Variants in OPN1LW observed in about 807,000 individuals in gnomAD.
OPN1LW encodes the protein long-wave-sensitive opsin 1.
OPN1LW carries 4 observed loss-of-function variants against 18.1 expected under a neutral mutation model. The observed-to-expected ratio is 0.22, with a 90% CI of 0.11 to 0.51. The LOEUF is 0.51. OPN1LW is among the 20% of genes least tolerant of loss of function. OPN1LW has a pLI of 0.97. For synonymous variants in OPN1LW, 86 were observed against 101.2 expected, an observed-to-expected ratio of 0.85 and a Z score of 0.90; for missense variants, 164 against 234.9, an observed-to-expected ratio of 0.70 and a Z score of 1.97.
intron 1 of OPN1LW, among the ~76,000 whole-genome samples, chrX:154,148,818 T>C (rs1259015310): frequency 9.5e-6 from 1 of 105,508 alleles, no homozygotes. Context: ...GCATCTATTG[T>C]GTGCTGGACA....
Position 154,150,657 on chromosome X carries a change from C to A in OPN1LW, c.114C>A (p.Gly38=), listed in dbSNP as rs1264120599. Reference sequence around the variant, plus strand: ...CTCTCCTCTGCCTCCTGCCCTCAGGCCCCTTCGAAGGCCCGAATTACCACA... The same window carrying A: ...CTCTCCTCTGCCTCCTGCCCTCAGGACCCTTCGAAGGCCCGAATTACCACA... ...FTYTNSNSTR[G]PFEGPNYHIA... is the part of the protein sequence containing the mutation. The change falls in exon 2 of 6, where the codon GGC becomes GGA. Residue 38 remains glycine (G), a splice_region_variant and synonymous_variant. Transcript: ENST00000369951. The A allele has an allele frequency of 1.7e-6, 2 of 1,195,020 alleles. No individual in the cohort carries two copies. Among genetic ancestry groups the A allele is most frequent in the Non-Finnish European group, 2.2e-6 (2 of 888,937 alleles).
intron 1 of OPN1LW, among the ~76,000 whole-genome samples, chrX:154,148,186 T>C (rs1191033556): frequency 9.7e-6 from 1 of 103,263 alleles, no homozygotes; most frequent in Non-Finnish European, 1.9e-5. Flanking sequence ...GAGTTCCACG[T>C]TGCAGTGAGC....
At chrX:154,151,082 C>T in intron 2 of OPN1LW, 130 bp downstream of exon 2, 1 of 955,612 alleles carries the variant, frequency 1.0e-6, no homozygotes, top group Non-Finnish European at 1.5e-6. Context: ...CGCCTCACAT[C>T]CATATACTGA....
chrX:154,148,176 G>A (rs1415362353), intron 1 of OPN1LW, among the ~76,000 whole-genome samples: 4 of 103,213 alleles, frequency 3.9e-5, no homozygotes, highest in African/African-American at 1.7e-4. Flanking sequence ...TTGAGCCCAG[G>A]AGTTCCACGT....
rs149665617 is a variant in OPN1LW at position 154,150,711 on chromosome X, C to G, written c.168C>G (p.Thr56=). 5.8e-6 allele frequency: 7 copies of G among 1,197,548 alleles called. No homozygotes were observed. The highest frequency in any genetic ancestry group is 2.2e-5 in the Admixed American group (1 of 45,090). ...HIAPRWVYHL[T]SVWMIFVVTA... ...CTCCCAGATGGGTGTACCACCTCAC[C>G]AGTGTCTGGATGATCTTTGTGGTCA... The change falls in exon 2 of 6, where the codon ACC becomes ACG. Residue 56 remains threonine (T), a synonymous_variant. Transcript: ENST00000369951.
chrX:154,154,103 C>A (rs1200149233), intron 3 of OPN1LW, among the ~76,000 whole-genome samples: 1 of 95,727 alleles, frequency 1.0e-5, no homozygotes, highest in Non-Finnish European at 2.0e-5. Flanking sequence ...AGGAGCTGGG[C>A]CTACAGATGC....
At chrX:154,150,979 C>A (rs782088145) in intron 2 of OPN1LW, 27 bp downstream of exon 2, 2 of 1,176,303 alleles carry the variant, frequency 1.7e-6, no homozygotes, top group Non-Finnish European at 2.3e-6. Context: ...CCAGGCTCGG[C>A]GGAAACCACT....
chrX:154,156,426 G>T lies in OPN1LW; in HGVS notation c.877G>T (p.Ala293Ser). Residue 293 changes from alanine to serine, a missense_variant, in exon 5 of 6, where the codon GCC becomes TCC. Physicochemically the swap from Ala to Ser is moderately conservative, Grantham distance 99. Coordinates refer to ENST00000369951, the MANE Select transcript of OPN1LW (RefSeq NM_020061.6). Reference sequence around the variant, plus strand: ...CACCTTCTTCGCATGCTTTGCTGCTGCCAACCCTGGTTACGCCTTCCACCC... The same window carrying T: ...CACCTTCTTCGCATGCTTTGCTGCTTCCAACCCTGGTTACGCCTTCCACCC... ...PYTFFACFAA[A>S]NPGYAFHPLM... 1.7e-6 allele frequency: 2 copies of T among 1,205,083 alleles called. No homozygotes were observed. Among genetic ancestry groups the T allele is most frequent in the Non-Finnish European group, 2.2e-6 (2 of 890,551 alleles).
chrX:154,154,680 A>G lies in OPN1LW; in HGVS notation c.685A>G (p.Ile229Val). 2.5e-6 allele frequency: 3 copies of G among 1,194,352 alleles called. No individual in the cohort carries two copies. Among genetic ancestry groups the G allele is most frequent in the Non-Finnish European group, 2.3e-6 (2 of 883,799 alleles). Residue 229 changes from isoleucine to valine, a missense_variant, in exon 4 of 6, where the codon ATC (isoleucine) becomes GTC (valine). Physicochemically the swap from Ile to Val is conservative, Grantham distance 29. Transcript: ENST00000369951. ...GATTGTCCTCATGGTCACCTGCTGC[A>G]TCATCCCACTCGCTATCATCATGCT... ...YMIVLMVTCC[I>V]IPLAIIMLCY...
chrX:154,150,884 A>G lies in OPN1LW; in HGVS notation c.341A>G (p.Gln114Arg). ...GCCAGCACTATCAGCATTGTGAACCAGGTCTCTGGCTACTTCGTGCTGGGC... is the reference window on the plus strand; with the variant it reads ...GCCAGCACTATCAGCATTGTGAACCGGGTCTCTGGCTACTTCGTGCTGGGC... Reference protein sequence around the residue: ...VIASTISIVNQVSGYFVLGHP... With the variant: ...VIASTISIVNRVSGYFVLGHP... Residue 114 changes from glutamine to arginine, a missense_variant, in exon 2 of 6, where the codon CAG (glutamine) becomes CGG (arginine). Gln to Arg is a conservative substitution (Grantham distance 43). Transcript: ENST00000369951. 6 of 1,195,492 alleles carry G rather than the reference A, an allele frequency of 5.0e-6. No individual in the cohort carries two copies. Among genetic ancestry groups the G allele is most frequent in the Non-Finnish European group, 6.8e-6 (6 of 886,507 alleles).
rs376687141 is a variant in OPN1LW at position 154,144,314 on chromosome X, G to A, written c.31G>A (p.Ala11Thr). The part of the protein sequence containing the change: MAQQWSLQRL[A>T]GRHPQDSYED... ...CCAGCAGTGGAGCCTCCAAAGGCTC[G>A]CAGGCCGCCATCCGCAGGACAGCTA... Residue 11 changes from alanine (A) to threonine (T), a missense_variant, in exon 1 of 6, where the codon GCA (alanine) becomes ACA (threonine). Physicochemically the swap from Ala to Thr is moderately conservative, Grantham distance 58. Around this residue, in one of 3 missense-constraint regions of OPN1LW, gnomAD observed 106 missense variants for 167.7 expected, o/e 0.63. Coordinates refer to ENST00000369951, the MANE Select transcript of OPN1LW (RefSeq NM_020061.6). 147 of 1,195,209 alleles carry A rather than the reference G, an allele frequency of 1.2e-4. No individual in the cohort carries two copies. The highest frequency in any genetic ancestry group is 1.6e-4 in the Non-Finnish European group (138 of 888,839).
chrX:154,154,124 C>T (rs1341809786), intron 3 of OPN1LW, among the ~76,000 whole-genome samples: 1 of 96,022 alleles, frequency 1.0e-5, no homozygotes, highest in African/African-American at 4.8e-5. Flanking sequence ...ACCACTTCAC[C>T]TAGCTAATTT....
At position 154,148,073 on chromosome X, in the gene OPN1LW, T is replaced by TA. The variant is rs1159974891; in HGVS notation, c.113-2575dup. Among the ~76,000 whole-genome samples the TA allele has an allele frequency of 6.6e-5, 6 of 90,556 alleles. 1 individual carries two copies. The highest frequency in any genetic ancestry group is 3.4e-4 in the East Asian group (1 of 2,984). 78.6% of individuals were successfully genotyped at this position (90,556 alleles called of 115,157 possible). The stretch of plus-strand genomic sequence containing the variant: ...TAGCCAGACCCCATCTCTACAGAAA[T>TA]AAAAAAAATTGCCATTGTGGTAATG... On this transcript the variant is annotated intron_variant, in intron 1 of 5. Transcript: ENST00000369951.
At chrX:154,156,064 T>G (rs1333539324) in intron 4 of OPN1LW, among the ~76,000 whole-genome samples, 3 of 31,219 alleles carry the variant, frequency 9.6e-5, no homozygotes, top group Non-Finnish European at 1.2e-4. Context: ...GCTTGTTAGA[T>G]CCAGCTCTGG....
Position 154,144,412 on chromosome X carries a change from G to A in OPN1LW, c.112+17G>A, listed in dbSNP as rs782698416. On this transcript the variant is annotated intron_variant, in intron 1 of 5. Transcript: ENST00000369951. ...CCACCAGAGGTGAGCCAGCAGGCCC[G>A]TGGAGGCTGGGTGGCTGCACTGGGG... 8.9e-6 allele frequency: 10 copies of A among 1,121,958 alleles called. No individual in the cohort carries two copies. The highest frequency in any genetic ancestry group is 1.1e-5 in the Non-Finnish European group (9 of 836,546). The allele number at this position is 1,121,958 out of a possible 1,213,427, so 92.5% of individuals were successfully genotyped here. A position where few individuals can be genotyped will look rare whatever the true frequency, so the allele number is the denominator to read the frequency against.
rs782102273 is a variant in OPN1LW at position 154,150,859 on chromosome X, G to C, written c.316G>C (p.Ala106Pro). The C allele has an allele frequency of 1.7e-6, 2 of 1,197,422 alleles. No individual in the cohort carries two copies. Among genetic ancestry groups the C allele is most frequent in the Non-Finnish European group, 2.3e-6 (2 of 887,818 alleles). ...CGCTGACCTAGCAGAGACCGTCATC[G>C]CCAGCACTATCAGCATTGTGAACCA... Reference protein sequence around the residue: ...AVADLAETVIASTISIVNQVS... With the variant: ...AVADLAETVIPSTISIVNQVS... Residue 106 changes from alanine to proline, a missense_variant, in exon 2 of 6, where the codon GCC (alanine) becomes CCC (proline). Physicochemically the swap from Ala to Pro is conservative, Grantham distance 27. Around this residue, in one of 3 missense-constraint regions of OPN1LW, gnomAD observed 106 missense variants for 167.7 expected, o/e 0.63. Coordinates refer to ENST00000369951, the MANE Select transcript of OPN1LW (RefSeq NM_020061.6).
chrX:154,154,723 G>C lies in OPN1LW; in HGVS notation c.728G>C (p.Trp243Ser), dbSNP rs1349908448. 7.5e-6 allele frequency: 9 copies of C among 1,192,621 alleles called. 1 individual carries two copies. Among genetic ancestry groups the C allele is most frequent in the Non-Finnish European group, 7.9e-6 (7 of 883,331 alleles). Residue 243 changes from tryptophan (W) to serine (S), a missense_variant, in exon 4 of 6, where the codon TGG (tryptophan) becomes TCG (serine). Physicochemically the swap from Trp to Ser is radical, Grantham distance 177 (BLOSUM62 -3). Around this residue, in one of 3 missense-constraint regions of OPN1LW, gnomAD observed 106 missense variants for 167.7 expected, o/e 0.63. Transcript: ENST00000369951. ...AIIMLCYLQVWLAIRAVAKQQ... is the reference protein window; with the variant it reads ...AIIMLCYLQVSLAIRAVAKQQ... Reference sequence around the variant, plus strand: ...ATCATGCTCTGCTACCTCCAAGTGTGGCTGGCCATCCGAGCGGTAAGCCCC... The same window carrying C: ...ATCATGCTCTGCTACCTCCAAGTGTCGCTGGCCATCCGAGCGGTAAGCCCC...
chrX:154,148,426 T>C lies in OPN1LW; in HGVS notation c.113-2230T>C, dbSNP rs781973306. 1.8e-3 allele frequency among the ~76,000 whole-genome samples: 186 copies of C among 102,487 alleles called. 2 individuals are homozygous for C. Among genetic ancestry groups the C allele is most frequent in the African/African-American group, 7.4e-3 (173 of 23,461 alleles). The allele number at this position is 102,487 out of a possible 115,157, so 89.0% of individuals were successfully genotyped here. ...GACTACAGGCGCCCACCACCATACC[T>C]AGCTAATTTTTTTTTCTTTTGTATT... On this transcript the variant is annotated intron_variant, in intron 1 of 5. Coordinates refer to ENST00000369951, the MANE Select transcript of OPN1LW (RefSeq NM_020061.6).
chrX:154,154,745 C>T lies in OPN1LW; in HGVS notation c.744+6C>T. ...TGTGGCTGGCCATCCGAGCGGTAAG[C>T]CCCCCGATTCCTCCTGGCCTCACCC... On this transcript the variant is annotated splice_donor_region_variant and intron_variant, in intron 4 of 5. Transcript: ENST00000369951. 8.4e-7 allele frequency: 1 copy of T among 1,186,747 alleles called. No homozygotes were observed. The highest frequency in any genetic ancestry group is 1.1e-6 in the Non-Finnish European group (1 of 879,929).
Sources: gnomAD v4.1 joint callset for allele counts (sites outside exome capture counted in the v4.1 genomes callset) on GRCh38, gnomAD v4.1.1 for gene constraint, gnomAD v4.1.1 regional missense constraint, MANE v1.5 for transcripts, NCBI Gene and HGNC (gene_info 2026-07-23, HGNC 2026-07-21) for gene names.